MED13L: variants seen among roughly 807,000 people sequenced by gnomAD.
MED13L encodes the protein mediator of RNA polymerase II transcription subunit 13-like.
In MED13L, 7 loss-of-function variants were observed where a neutral mutation model predicts 220.9. That is an observed-to-expected ratio of 0.03 (90% CI 0.02 to 0.06). The LOEUF (loss-of-function observed/expected upper bound fraction) is 0.06. MED13L is among the 10% of genes least tolerant of loss of function. The probability of loss-of-function intolerance (pLI) is 1.00; values close to 1 mark genes in which losing one functional copy is unlikely to be tolerated. For missense variants in MED13L, 1,965 were observed against 2,760.5 expected (o/e 0.71, Z 6.46); for synonymous variants, 1,011 against 1,015.2 (o/e 1.00, Z 0.08).
Position 115,991,951 on chromosome 12 carries a change from C to A in MED13L, c.3003G>T (p.Val1001=). Residue 1001 remains valine (V), a synonymous_variant, in exon 17 of 31, where the codon GTG becomes GTT. Transcript: ENST00000281928. The surrounding 1 kb of genome is among the most constrained non-coding windows in gnomAD (Gnocchi z 7.7). ...ATFIRDGYNN[V]PSVGSLADPD... ...GATCTGCTAGGCTCCCAACACTAGG[C>A]ACGTTACTACAAAAAGAGAAGGCAC... The A allele has an allele frequency of 6.3e-7, 1 of 1,599,048 alleles. No homozygotes were observed. Among genetic ancestry groups the A allele is most frequent in the Non-Finnish European group, 8.5e-7 (1 of 1,179,634 alleles).
Position 115,970,640 on chromosome 12 carries a change from C to T in MED13L, c.6021G>A (p.Val2007=), listed in dbSNP as rs372022728. 3 of 1,613,860 alleles carry T rather than the reference C, an allele frequency of 1.9e-6. No homozygotes were observed. Among genetic ancestry groups the T allele is most frequent in the Non-Finnish European group, 2.5e-6 (3 of 1,179,924 alleles). The change falls in exon 27 of 31, where the codon GTG becomes GTA. Residue 2007 remains valine, a synonymous_variant. Transcript: ENST00000281928. ...LVFPTSSTIQ[V]APANYPNEDG... ...CTTCATTGGGGTAGTTGGCTGGAGC[C>T]ACCTGGATGGTTGATGATGTTGGGA...
At chr12:115,993,251 T>C (rs1878182791) in intron 16 of MED13L, among the ~76,000 whole-genome samples, 1 of 152,202 alleles carries the variant, frequency 6.6e-6, no homozygotes, top group East Asian at 1.9e-4. Context: ...CTTTCTTAGA[T>C]GTATATGTAT....
rs558977950 is a variant in MED13L at position 115,999,081 on chromosome 12, T to C, written c.2570-1851A>G. 4.1e-4 allele frequency among the ~76,000 whole-genome samples: 63 copies of C among 152,306 alleles called. 1 individual carries two copies. The highest frequency in any genetic ancestry group is 6.8e-3 in the Middle Eastern group (2 of 294). ...GTAGCAGGAACCAGATCAGTAAGTT[T>C]TCTTTAAAACAAAGCCAAGATCTTT... On this transcript the variant is annotated intron_variant, in intron 14 of 30. Transcript: ENST00000281928.
intron 7 of MED13L, among the ~76,000 whole-genome samples, chr12:116,016,963 T>C (rs1879763294): frequency 6.6e-6 from 1 of 152,180 alleles, no homozygotes; most frequent in Non-Finnish European, 1.5e-5. Flanking sequence ...TAGAAAAATA[T>C]GGCATTCAAC....
chr12:116,146,727 G>A (rs1877555447), intron 2 of MED13L, among the ~76,000 whole-genome samples: 1 of 152,004 alleles, frequency 6.6e-6, no homozygotes, highest in Non-Finnish European at 1.5e-5. Flanking sequence ...ACTTAGTTGA[G>A]CATGGTGGTC....
chr12:116,179,279 C>A (rs927906078), intron 2 of MED13L, among the ~76,000 whole-genome samples: 2 of 150,848 alleles, frequency 1.3e-5, no homozygotes, highest in Admixed American at 1.3e-4. Flanking sequence ...TCAATAAATA[C>A]AAGAGATTAT....
At chr12:116,126,521 T>A (rs1875602914) in intron 2 of MED13L, among the ~76,000 whole-genome samples, 1 of 152,176 alleles carries the variant, frequency 6.6e-6, no homozygotes, top group African/African-American at 2.4e-5. Flanking sequence ...ACAGCTGCAG[T>A]TTTATCCAGT....
chr12:116,241,602 T>C (rs1011395001), intron 1 of MED13L, among the ~76,000 whole-genome samples: 1 of 151,914 alleles, frequency 6.6e-6, no homozygotes, highest in African/African-American at 2.4e-5. Context: ...TATCAGTACA[T>C]CTATGCTCTC....
chr12:116,271,027 C>A (rs1873270377), intron 1 of MED13L, among the ~76,000 whole-genome samples: 2 of 110,562 alleles, frequency 1.8e-5, no homozygotes, highest in Admixed American at 1.4e-4. Context: ...GGTGACAGAG[C>A]GAGACTCCGT....
At position 115,997,138 on chromosome 12, in the gene MED13L, T is replaced by C. The variant is rs1242612514; in HGVS notation, c.2662A>G (p.Ser888Gly). ...CCTAATGCTGTCACTGTCTCTGAGC[T>C]GATCCCATCTTTATAATTCATCACA... ...SPVMNYKDGI[S>G]SETVTALGMM... is the part of the protein sequence containing the mutation. Residue 888 changes from serine (S) to glycine (G), a missense_variant, in exon 15 of 31, where the codon AGC becomes GGC. Ser to Gly is a moderately conservative substitution (Grantham distance 56). This residue lies in a region of MED13L where 233 missense variants were observed against 306.2 expected (regional missense o/e 0.76). Coordinates refer to ENST00000281928, the MANE Select transcript of MED13L (RefSeq NM_015335.5). The C allele has an allele frequency of 6.2e-7, 1 of 1,614,138 alleles. No homozygotes were observed. Among genetic ancestry groups the C allele is most frequent in the Non-Finnish European group, 8.5e-7 (1 of 1,179,968 alleles).
intron 2 of MED13L, among the ~76,000 whole-genome samples, chr12:116,172,340 GAGAA>G (rs1420092727): frequency 6.6e-6 from 1 of 152,122 alleles, no homozygotes; most frequent in Non-Finnish European, 1.5e-5. Context: ...TAGCTATACT[GAGAA>G]AGGTCACGTC....
rs79990251 is a variant in MED13L at position 116,052,078 on chromosome 12, TAC to T, written c.480-29479_480-29478del. Among the ~76,000 whole-genome samples the T allele has an allele frequency of 5.7e-3, 850 of 149,446 alleles. 9 individuals carry two copies. Among genetic ancestry groups the T allele is most frequent in the African/African-American group, 0.017 (693 of 40,586 alleles). On this transcript the variant is annotated intron_variant, in intron 4 of 30. Transcript: ENST00000281928. ...TTTATTATGTACTTACCTACACACA[TAC>T]ACACACACACACACACACACACATA...
chr12:116,243,321 T>C (rs543539260), intron 1 of MED13L, among the ~76,000 whole-genome samples: 1 of 152,084 alleles, frequency 6.6e-6, no homozygotes, highest in Non-Finnish European at 1.5e-5. Flanking sequence ...AATCAGACCT[T>C]GGCAATGACC....
intron 2 of MED13L, among the ~76,000 whole-genome samples, chr12:116,162,190 C>A (rs1878905463): frequency 6.8e-6 from 1 of 147,862 alleles, no homozygotes; most frequent in Admixed American, 6.8e-5. Flanking sequence ...GTCCCCTCTG[C>A]TTTAACCCTT....
At position 115,991,869 on chromosome 12, in the gene MED13L, G is replaced by A. The variant is rs1878082252; in HGVS notation, c.3085C>T (p.Pro1029Ser). ...NTPVTLNSAA[P>S]ASNSGAGVLP... Reference sequence around the variant, plus strand: ...ACTCCTGCCCCACTATTGCTGGCTGGGGCAGCGCTGTTCAACGTCACGGGT... The same window carrying A: ...ACTCCTGCCCCACTATTGCTGGCTGAGGCAGCGCTGTTCAACGTCACGGGT... The change falls in exon 17 of 31, where the codon CCA (proline) becomes TCA (serine). Residue 1029 changes from proline to serine, a missense_variant. Pro to Ser is a moderately conservative substitution (Grantham distance 74, BLOSUM62 -1). Coordinates refer to ENST00000281928, the MANE Select transcript of MED13L (RefSeq NM_015335.5). This position sits in a 1 kb window ranked among gnomAD's most constrained non-coding sequence, Gnocchi z 7.7. 6.2e-7 allele frequency: 1 copy of A among 1,606,510 alleles called. No individual in the cohort carries two copies. The highest frequency in any genetic ancestry group is 1.1e-5 in the South Asian group (1 of 91,078).
intron 2 of MED13L, among the ~76,000 whole-genome samples, chr12:116,133,361 G>A (rs558045912): frequency 6.6e-6 from 1 of 152,280 alleles, no homozygotes; most frequent in East Asian, 1.9e-4. Flanking sequence ...GACTCTTAAT[G>A]TTAAGAGGAG....
At chr12:116,180,669 C>T (rs995450830) in intron 2 of MED13L, among the ~76,000 whole-genome samples, 6 of 152,292 alleles carry the variant, frequency 3.9e-5, no homozygotes, top group African/African-American at 1.4e-4. Flanking sequence ...CGAGATCCCG[C>T]CCTCCTCAAC....
At chr12:116,248,433 T>A (rs116004322) in intron 1 of MED13L, among the ~76,000 whole-genome samples, 121 of 152,198 alleles carry the variant, frequency 8.0e-4, no homozygotes, top group African/African-American at 2.6e-3. Context: ...AATACTAGAT[T>A]AGGACACTGT....
chr12:116,056,591 A>G (rs1349382547), intron 4 of MED13L, among the ~76,000 whole-genome samples: 1 of 152,214 alleles, frequency 6.6e-6, no homozygotes, highest in African/African-American at 2.4e-5. Flanking sequence ...GACCTTAGTT[A>G]AGACATGATT....
Sources: allele counts gnomAD v4.1 joint callset (sites outside exome capture counted in the v4.1 genomes callset), GRCh38; gene constraint gnomAD v4.1.1; regional missense constraint gnomAD v4.1.1; non-coding constraint Gnocchi (gnomAD v3.1); transcripts MANE v1.5; gene names NCBI Gene and HGNC (gene_info 2026-07-23, HGNC 2026-07-21).